Variants in MMP2 observed in about 807,000 individuals in gnomAD.
The protein encoded by MMP2 is matrix metallopeptidase 2.
A neutral mutation model predicts 74.8 loss-of-function variants in MMP2; 39 were observed. That is an observed-to-expected ratio of 0.52 (90% CI 0.40 to 0.68). MMP2 has a LOEUF of 0.68. Ranked by LOEUF, MMP2 falls within the 30% of genes least tolerant of loss-of-function variation. The pLI, the probability that MMP2 is intolerant of heterozygous loss-of-function variation, is 0.00. For synonymous variants in MMP2, 367 were observed against 339.8 expected (o/e 1.08, Z -0.88); for missense variants, 803 against 878.3 (o/e 0.91, Z 1.08).
At chr16:55,503,589 A>AGT (rs1962723619) in intron 12 of MMP2, among the ~76,000 whole-genome samples, 2 of 152,018 alleles carry the variant, frequency 1.3e-5, no homozygotes, top group Admixed American at 1.3e-4. Context: ...AAGAAAATGC[A>AGT]GTGTACAATC....
Position 55,505,550 on chromosome 16 carries a change from A to G in MMP2, c.*108A>G. 2 of 883,980 alleles carry G rather than the reference A, an allele frequency of 2.3e-6. No homozygotes were observed. The highest frequency in any genetic ancestry group is 1.3e-5 in the South Asian group (1 of 74,818). 54.8% of individuals were successfully genotyped at this position (883,980 alleles called of 1,614,324 possible). A position where few individuals can be genotyped will look rare whatever the true frequency, so the allele number is the denominator to read the frequency against. ...GCCTGGCAGCCGTGCCTTCAGCTCT[A>G]CAGCTAATCAGCATTCTCACTCCTA... On this transcript the variant is annotated 3_prime_UTR_variant, in exon 13 of 13. Coordinates refer to ENST00000219070, the MANE Select transcript of MMP2 (RefSeq NM_004530.6).
In MMP2 at chr16:55,489,466, C is replaced by T. The variant is rs17859913; in HGVS notation, c.1007-185C>T. Among the ~76,000 whole-genome samples, 1,049 of 152,272 alleles carry T rather than the reference C, an allele frequency of 6.9e-3. 9 individuals carry two copies. The highest frequency in any genetic ancestry group is 0.024 in the African/African-American group (995 of 41,546). ...TGATCTATTTCCCATCCATGAAACGCGGTGCTATTCAGTCCCTCCTGCACA... is the reference window on the plus strand; with the variant it reads ...TGATCTATTTCCCATCCATGAAACGTGGTGCTATTCAGTCCCTCCTGCACA... On this transcript the variant is annotated intron_variant, in intron 6 of 12. Coordinates refer to ENST00000219070, the MANE Select transcript of MMP2 (RefSeq NM_004530.6).
chr16:55,485,288 G>C lies in MMP2; in HGVS notation c.530-11G>C, dbSNP rs767160206. 6.2e-7 allele frequency: 1 copy of C among 1,614,002 alleles called. No individual in the cohort carries two copies. Among genetic ancestry groups the C allele is most frequent in the African/African-American group, 1.3e-5 (1 of 74,900 alleles). On this transcript the variant is annotated splice_polypyrimidine_tract_variant and intron_variant, in intron 3 of 12. Coordinates refer to ENST00000219070, the MANE Select transcript of MMP2 (RefSeq NM_004530.6). ...GCACAGCTAGACGCTAAGACCCAGTGTGTGTTTCAGAGCATGGCGATGGAT... is the reference window on the plus strand; with the variant it reads ...GCACAGCTAGACGCTAAGACCCAGTCTGTGTTTCAGAGCATGGCGATGGAT...
At chr16:55,490,490 C>G (rs1324992849) in intron 7 of MMP2, among the ~76,000 whole-genome samples, 1 of 152,116 alleles carries the variant, frequency 6.6e-6, no homozygotes, top group African/African-American at 2.4e-5. Context: ...GACCAGGAGA[C>G]AGCTTGTGAC....
In MMP2 at chr16:55,498,403, G is replaced by T; in HGVS notation, c.1724G>T (p.Ser575Ile). 2 of 1,614,232 alleles carry T rather than the reference G, an allele frequency of 1.2e-6. No homozygotes were observed. The highest frequency in any genetic ancestry group is 1.7e-6 in the Non-Finnish European group (2 of 1,180,042). The change falls in exon 11 of 13, where the codon AGC (serine) becomes ATC (isoleucine). Residue 575 changes from serine (S) to isoleucine (I), a missense_variant. Around this residue, in one of 3 missense-constraint regions of MMP2, gnomAD observed 555 missense variants for 592.0 expected, o/e 0.94. Transcript: ENST00000219070. ...VQRVDAAFNW[S>I]KNKKTYIFAG... is the part of the protein sequence containing the mutation. ...CGAGTGGATGCCGCCTTTAACTGGA[G>T]CAAAAACAAGAAGACATACATCTTT...
intron 5 of MMP2, among the ~76,000 whole-genome samples, chr16:55,486,111 C>T (rs1962241324): frequency 6.6e-6 from 1 of 152,052 alleles, no homozygotes; most frequent in Admixed American, 6.5e-5. Context: ...TATTACAATG[C>T]CCAGTGGTTC....
intron 3 of MMP2, 116 bp downstream of exon 3, chr16:55,484,280 A>C: frequency 8.0e-7 from 1 of 1,243,852 alleles, no homozygotes; most frequent in African/African-American, 1.5e-5. Context: ...AGGACAGTAG[A>C]TGGTGTGGGC....
chr16:55,491,982 GTGGA>G, intron 8 of MMP2, 26 bp downstream of exon 8: 1 of 1,576,448 alleles, frequency 6.3e-7, no homozygotes. Flanking sequence ...GGGGTTGGGG[GTGGA>G]GGGTGAGGAG....
At chr16:55,484,300 G>T (rs1962185744) in intron 3 of MMP2, 136 bp downstream of exon 3, 10 of 1,003,898 alleles carry the variant, frequency 1.0e-5, no homozygotes. Flanking sequence ...CCCTGGGGGT[G>T]GTTTAGATGG....
At chr16:55,484,945 G>A (rs1243690371) in intron 3 of MMP2, among the ~76,000 whole-genome samples, 1 of 152,162 alleles carries the variant, frequency 6.6e-6, no homozygotes, top group Non-Finnish European at 1.5e-5. Flanking sequence ...AGTATTGACA[G>A]GATGGAGGAT....
At position 55,479,280 on chromosome 16, in the gene MMP2, G is replaced by C. The variant is rs1344702823; in HGVS notation, c.-200G>C. ...ATACAAAGGGATTGCCAGGACCTGC[G>C]GCGGCGGCGGCGGCGGCGGGGGCTG... is the stretch of plus-strand genomic sequence containing the variant. On this transcript the variant is annotated 5_prime_UTR_variant, in exon 1 of 13. Transcript: ENST00000219070. The C allele has an allele frequency of 7.0e-6, 2 of 284,826 alleles. No homozygotes were observed. The highest frequency in any genetic ancestry group is 1.2e-5 in the Non-Finnish European group (2 of 165,200). The allele number at this position is 284,826 out of a possible 1,614,324, so 17.6% of individuals were successfully genotyped here.
chr16:55,486,181 G>A (rs369894242), intron 5 of MMP2, among the ~76,000 whole-genome samples: 1 of 152,130 alleles, frequency 6.6e-6, no homozygotes, highest in African/African-American at 2.4e-5. Context: ...ATGAGGAAAG[G>A]CTTGCTGGTA....
Position 55,485,705 on chromosome 16 carries a change from G to A in MMP2, c.760G>A (p.Asp254Asn), listed in dbSNP as rs1392950040. Residue 254 changes from aspartate to asparagine, a missense_variant, in exon 5 of 13, where the codon GAT becomes AAT. This residue lies in a region of MMP2 where 555 missense variants were observed against 592.0 expected (regional missense o/e 0.94). Coordinates refer to ENST00000219070, the MANE Select transcript of MMP2 (RefSeq NM_004530.6). ...YNSCTDTGRS[D>N]GFLWCSTTYN... ...CAGCTGCACTGATACCGGCCGCAGC[G>A]ATGGCTTCCTCTGGTGCTCCACCAC... 3.9e-5 allele frequency: 63 copies of A among 1,613,998 alleles called. No homozygotes were observed. Among genetic ancestry groups the A allele is most frequent in the East Asian group, 6.7e-5 (3 of 44,866 alleles).
rs1296903602 is a variant in MMP2 at position 55,485,585 on chromosome 16, C to G, written c.659-19C>G. ...AGGCCTGGAGAAGTCCAACCTCCCC[C>G]TTCCATGTCACTCTTTAGTGGTCCG... is the stretch of plus-strand genomic sequence containing the variant. On this transcript the variant is annotated intron_variant, in intron 4 of 12. Coordinates refer to ENST00000219070, the MANE Select transcript of MMP2 (RefSeq NM_004530.6). 6.8e-6 allele frequency: 11 copies of G among 1,613,958 alleles called. No individual in the cohort carries two copies. Among genetic ancestry groups the G allele is most frequent in the African/African-American group, 1.3e-5 (1 of 74,908 alleles).
intron 6 of MMP2, 42 bp downstream of exon 6, chr16:55,488,758 GCTGT>G: frequency 6.5e-7 from 1 of 1,548,168 alleles, no homozygotes; most frequent in Middle Eastern, 1.9e-4. Flanking sequence ...CCCAGCACCT[GCTGT>G]CTGACAAAAA....
At chr16:55,493,962 C>T (rs758134179) in intron 9 of MMP2, among the ~76,000 whole-genome samples, 33 of 152,152 alleles carry the variant, frequency 2.2e-4, no homozygotes, top group Non-Finnish European at 5.9e-5. Context: ...CCCTAATGCC[C>T]TAGTTCCCTG....
chr16:55,496,150 T>C (rs1231592210), intron 9 of MMP2, among the ~76,000 whole-genome samples: 1 of 152,222 alleles, frequency 6.6e-6, no homozygotes, highest in African/African-American at 2.4e-5. Flanking sequence ...CCAGAGATTC[T>C]TATCTGTAGA....
intron 9 of MMP2, among the ~76,000 whole-genome samples, chr16:55,496,214 A>G (rs1453379232): frequency 6.6e-6 from 1 of 152,206 alleles, no homozygotes; most frequent in Non-Finnish European, 1.5e-5. Context: ...GGTGACGCAG[A>G]TGCTGCTGGT....
Position 55,491,754 on chromosome 16 carries a change from A to G in MMP2, c.1181-47A>G, listed in dbSNP as rs773037231. The G allele has an allele frequency of 3.1e-6, 5 of 1,610,180 alleles. No individual in the cohort carries two copies. In the East Asian group the frequency reaches 6.7e-5, roughly 22 times the overall value. On this transcript the variant is annotated intron_variant, in intron 7 of 12. Coordinates refer to ENST00000219070, the MANE Select transcript of MMP2 (RefSeq NM_004530.6). ...TGGGTCAGGTCTTGACTTCTCTCTC[A>G]TCTCTCTTCCTGTCTTTCAACCCTC...
Sources: gnomAD v4.1 joint callset for allele counts (sites outside exome capture counted in the v4.1 genomes callset) on GRCh38, gnomAD v4.1.1 for gene constraint, gnomAD v4.1.1 regional missense constraint, MANE v1.5 for transcripts, NCBI Gene and HGNC (gene_info 2026-07-23, HGNC 2026-07-21) for gene names.